KDM5A: variants seen among roughly 807,000 people sequenced by gnomAD.
KDM5A encodes lysine demethylase 5A.
Under a neutral mutation model 193.5 loss-of-function variants are expected in KDM5A, and 42 were observed. The observed-to-expected ratio is 0.22, with a 90% CI of 0.17 to 0.28. KDM5A has a LOEUF of 0.28. Ranked by LOEUF, KDM5A falls within the 10% of genes least tolerant of loss-of-function variation. The pLI, the probability that KDM5A is intolerant of heterozygous loss-of-function variation, is 1.00. For missense variants in KDM5A, 1,692 were observed against 2,055.1 expected (o/e 0.82, Z 3.42); for synonymous variants, 796 against 718.1 (o/e 1.11, Z -1.73).
intron 27 of KDM5A, 95 bp from the exon 28 acceptor site, chr12:285,757 A>G (rs1015999315): frequency 7.7e-5 from 83 of 1,071,870 alleles, no homozygotes; most frequent in African/African-American, 3.1e-5. Flanking sequence ...AAACAATAGC[A>G]AACAACTGGG....
intron 26 of KDM5A, 30 bp downstream of exon 26, chr12:295,543 C>A (rs1160133217): frequency 1.9e-6 from 3 of 1,592,258 alleles, no homozygotes; most frequent in Non-Finnish European, 2.6e-6. Context: ...TAGTTTTTAA[C>A]CACTGTTTAA....
At chr12:343,200 G>A (rs565379844) in intron 10 of KDM5A, among the ~76,000 whole-genome samples, 59 of 151,950 alleles carry the variant, frequency 3.9e-4, no homozygotes, top group South Asian at 1.5e-3. Context: ...TCAATCTGCT[G>A]AGGCAGCAGC....
intron 27 of KDM5A, among the ~76,000 whole-genome samples, chr12:286,807 A>T (rs913976408): frequency 6.6e-6 from 1 of 152,180 alleles, no homozygotes; most frequent in Non-Finnish European, 1.5e-5. Context: ...GCTTGTAATA[A>T]GGGGTGGGAA....
At chr12:364,536 A>G (rs937751973) in intron 4 of KDM5A, among the ~76,000 whole-genome samples, 6 of 151,692 alleles carry the variant, frequency 4.0e-5, no homozygotes, top group Non-Finnish European at 7.4e-5. Context: ...CTGTAATCCC[A>G]GCACTTTGGG....
intron 13 of KDM5A, among the ~76,000 whole-genome samples, chr12:330,446 C>T (rs1943851686): frequency 6.6e-6 from 1 of 152,148 alleles, no homozygotes; most frequent in South Asian, 2.1e-4. Flanking sequence ...AGCATCTTTA[C>T]ATACCAGCTA....
In KDM5A at chr12:285,432, T is replaced by C. The variant is rs781453607; in HGVS notation, c.*24A>G. 3.1e-6 allele frequency: 5 copies of C among 1,600,084 alleles called. No individual in the cohort carries two copies. The highest frequency in any genetic ancestry group is 3.4e-6 in the Non-Finnish European group (4 of 1,167,354). On this transcript the variant is annotated 3_prime_UTR_variant, in exon 28 of 28. Coordinates refer to ENST00000399788, the MANE Select transcript of KDM5A (RefSeq NM_001042603.3). ...TCTCAATGTGGTCCATGTCCCCCCA[T>C]GTCCCAAACTAACCAAGCATCTGCT...
intron 19 of KDM5A, among the ~76,000 whole-genome samples, chr12:315,255 C>A (rs994486680): frequency 6.6e-6 from 1 of 152,144 alleles, no homozygotes; most frequent in Non-Finnish European, 1.5e-5. Context: ...TAATTTTACA[C>A]CTATCGCAAA....
At chr12:339,071 G>C (rs991444293) in intron 10 of KDM5A, among the ~76,000 whole-genome samples, 5 of 151,760 alleles carry the variant, frequency 3.3e-5, no homozygotes, top group African/African-American at 1.2e-4. Context: ...CCAGCTACTC[G>C]GGAGGCTGAG....
intron 5 of KDM5A, among the ~76,000 whole-genome samples, chr12:361,811 A>C (rs1484714034): frequency 6.6e-6 from 1 of 152,250 alleles, no homozygotes; most frequent in Non-Finnish European, 1.5e-5. Context: ...CATGAAAGTC[A>C]CATTCCTATC....
At chr12:315,627 T>G (rs1020404598) in intron 19 of KDM5A, among the ~76,000 whole-genome samples, 1 of 150,018 alleles carries the variant, frequency 6.7e-6, no homozygotes, top group Admixed American at 6.7e-5. Context: ...TAAATCCACA[T>G]GCAGACTTAA....
At chr12:332,573 T>C (rs1056359060) in intron 12 of KDM5A, among the ~76,000 whole-genome samples, 1 of 152,198 alleles carries the variant, frequency 6.6e-6, no homozygotes, top group African/African-American at 2.4e-5. Context: ...TAGCTTGAAT[T>C]TGAGAAACAT....
intron 1 of KDM5A, chr12:387,161 T>C (rs890968055): frequency 1.7e-5 from 5 of 287,212 alleles, no homozygotes; most frequent in Non-Finnish European, 3.4e-5. Flanking sequence ...GGGGTCTAAA[T>C]AACATAGTTT....
At chr12:295,497 C>A in intron 26 of KDM5A, 76 bp downstream of exon 26, 1 of 1,398,662 alleles carries the variant, frequency 7.1e-7, no homozygotes, top group Non-Finnish European at 1.0e-6. Flanking sequence ...ACCCCTTTGC[C>A]AACATTTATG....
In KDM5A at chr12:282,052, C is replaced by T. The variant is rs1027190582; in HGVS notation, c.*3404G>A. ...CCTTACAGCTCAGCCTGCACAGAAGCGCAGAAGCAAAGCCCAGGCAGAACC... is the reference window on the plus strand; with the variant it reads ...CCTTACAGCTCAGCCTGCACAGAAGTGCAGAAGCAAAGCCCAGGCAGAACC... On this transcript the variant is annotated 3_prime_UTR_variant, in exon 28 of 28. Coordinates refer to ENST00000399788, the MANE Select transcript of KDM5A (RefSeq NM_001042603.3). 4.0e-5 allele frequency: 13 copies of T among 323,996 alleles called. No homozygotes were observed. Among genetic ancestry groups the T allele is most frequent in the Non-Finnish European group, 2.4e-5 (4 of 167,588 alleles). The allele number at this position is 323,996 out of a possible 1,614,324, so 20.1% of individuals were successfully genotyped here. A position where few individuals can be genotyped will look rare whatever the true frequency, so the allele number is the denominator to read the frequency against.
intron 3 of KDM5A, among the ~76,000 whole-genome samples, chr12:381,623 G>A (rs1944573399): frequency 6.6e-6 from 1 of 151,834 alleles, no homozygotes; most frequent in African/African-American, 2.4e-5. Flanking sequence ...AGTACCATAG[G>A]TTTTCATATA....
chr12:310,595 C>T lies in KDM5A; in HGVS notation c.3216+290G>A, dbSNP rs537000587. Among the ~76,000 whole-genome samples the T allele has an allele frequency of 3.1e-4, 47 of 152,254 alleles. No homozygotes were observed. In the South Asian group the frequency reaches 9.5e-3, roughly 31 times the overall value. ...GCTGCAGTGGGCCGAGACTGCACCA[C>T]TGCACTCCAGTCTGGGCGACAGGGC... On this transcript the variant is annotated intron_variant, in intron 21 of 27. Coordinates refer to ENST00000399788, the MANE Select transcript of KDM5A (RefSeq NM_001042603.3).
At chr12:315,842 G>A (rs1390825853) in intron 19 of KDM5A, among the ~76,000 whole-genome samples, 1 of 152,166 alleles carries the variant, frequency 6.6e-6, no homozygotes, top group Non-Finnish European at 1.5e-5. Flanking sequence ...TTGGATACAG[G>A]GACTTTCAGG....
In KDM5A at chr12:389,083, G is replaced by T. The variant is rs774527053; in HGVS notation, c.9C>A (p.Gly3=). 3 of 916,580 alleles carry T rather than the reference G, an allele frequency of 3.3e-6. No homozygotes were observed. The highest frequency in any genetic ancestry group is 1.7e-5 in the African/African-American group (1 of 59,110). 56.8% of individuals were successfully genotyped at this position (916,580 alleles called of 1,614,324 possible). A position where few individuals can be genotyped will look rare whatever the true frequency, so the allele number is the denominator to read the frequency against. Residue 3 remains glycine, a synonymous_variant, in exon 1 of 28, where the codon GGC becomes GGA. Transcript: ENST00000399788. MA[G]VGPGGYAAEF... is the part of the protein sequence containing the mutation. ...CCGCCGCGTAGCCCCCCGGCCCCAC[G>T]CCCGCCATTGCAACGGCCGGGGGGG... is the stretch of plus-strand genomic sequence containing the variant.
intron 3 of KDM5A, among the ~76,000 whole-genome samples, chr12:382,203 G>A (rs531987378): frequency 1.3e-5 from 2 of 151,736 alleles, no homozygotes; most frequent in South Asian, 2.1e-4. Context: ...AGGCTGAGGC[G>A]GGTGGATCAT....
Sources: allele counts gnomAD v4.1 joint callset (sites outside exome capture counted in the v4.1 genomes callset), GRCh38; gene constraint gnomAD v4.1.1; transcripts MANE v1.5; gene names NCBI Gene and HGNC (gene_info 2026-07-23, HGNC 2026-07-21).